MX1: variants seen among roughly 807,000 people sequenced by gnomAD.
MX1 encodes interferon-induced GTP-binding protein Mx1.
A neutral mutation model predicts 66.4 loss-of-function variants in MX1; 66 were observed. The ratio of observed to expected loss-of-function variants is 0.99; its 90% CI spans 0.82 to 1.22. The LOEUF is 1.22. Ranked by LOEUF, MX1 falls within the 50% of genes most tolerant of loss-of-function variation. The pLI is 0.00. For missense variants in MX1, 787 were observed against 834.3 expected (o/e 0.94, Z 0.70); for synonymous variants, 311 against 318.1 (o/e 0.98, Z 0.24).
intron 16 of MX1, among the ~76,000 whole-genome samples, chr21:41,456,163 G>A (rs920343051): frequency 1.3e-5 from 2 of 152,212 alleles, no homozygotes; most frequent in African/African-American, 4.8e-5. Flanking sequence ...AGAATTGCTC[G>A]AACCTGGGAG....
intron 3 of MX1, chr21:41,428,250 G>A (rs2090119193): frequency 6.6e-6 from 1 of 152,244 alleles, no homozygotes; most frequent in Non-Finnish European, 1.5e-5. Flanking sequence ...CTGCACCTGT[G>A]CGCTAACTTT....
chr21:41,429,596 T>A (rs190461333), intron 3 of MX1: 1 of 152,054 alleles, frequency 6.6e-6, no homozygotes, highest in African/African-American at 2.4e-5. Context: ...GGGAATAAAT[T>A]CCCAGATTGT....
chr21:41,440,377 A>C (rs1193275247), intron 8 of MX1, among the ~76,000 whole-genome samples: 2 of 152,148 alleles, frequency 1.3e-5, no homozygotes, highest in Non-Finnish European at 2.9e-5. Flanking sequence ...GGTGGCGTGC[A>C]CCTGTCAGCT....
chr21:41,439,711 G>C lies in MX1; in HGVS notation c.454G>C (p.Gly152Arg). ...TTTTCTAGCCCAGAATGCCATCGCC[G>C]GGGAAGGAATGGGAATCAGTCATGA... ...EINKAQNAIA[G>R]EGMGISHELI... Residue 152 changes from glycine (G) to arginine (R), a missense_variant, in exon 8 of 17, where the codon GGG (glycine) becomes CGG (arginine). By Grantham distance (125) the Gly-to-Arg change is moderately radical. Transcript: ENST00000398598. 1 of 1,613,618 alleles carries C rather than the reference G, an allele frequency of 6.2e-7. No homozygotes were observed. The highest frequency in any genetic ancestry group is 8.5e-7 in the Non-Finnish European group (1 of 1,179,660).
At chr21:41,426,828 G>C (rs1002681936) in intron 1 of MX1, 1 of 132,074 alleles carries the variant, frequency 7.6e-6, no homozygotes, top group Non-Finnish European at 1.6e-5. Context: ...TGCGCGGGAA[G>C]ACCCCTGCCC....
At chr21:41,433,941 C>T (rs2090292672) in intron 5 of MX1, among the ~76,000 whole-genome samples, 1 of 152,146 alleles carries the variant, frequency 6.6e-6, no homozygotes, top group South Asian at 2.1e-4. Flanking sequence ...CAGTCAGGGC[C>T]CATTTTGCTC....
chr21:41,443,051 G>T (rs1429080168), intron 10 of MX1, among the ~76,000 whole-genome samples: 1 of 152,194 alleles, frequency 6.6e-6, no homozygotes, highest in Non-Finnish European at 1.5e-5. Flanking sequence ...GCATAATAGT[G>T]TGAATGTACT....
At chr21:41,431,143 C>T (rs1418286643) in intron 4 of MX1, among the ~76,000 whole-genome samples, 3 of 152,168 alleles carry the variant, frequency 2.0e-5, no homozygotes, top group African/African-American at 7.2e-5. Flanking sequence ...CTGCCTCAGC[C>T]TCCCAAGTAG....
chr21:41,436,578 G>A (rs1341357845), intron 6 of MX1, among the ~76,000 whole-genome samples: 1 of 152,212 alleles, frequency 6.6e-6, no homozygotes, highest in African/African-American at 2.4e-5. Flanking sequence ...GGTGTGGTAG[G>A]AAGAATATGG....
intron 7 of MX1, among the ~76,000 whole-genome samples, chr21:41,437,524 C>G (rs1007455655): frequency 4.6e-5 from 7 of 151,966 alleles, no homozygotes; most frequent in African/African-American, 1.7e-4. Context: ...ACCTGTGGTC[C>G]CAGCTATTCA....
chr21:41,457,207 A>T (rs937376866), intron 16 of MX1, among the ~76,000 whole-genome samples: 4 of 152,206 alleles, frequency 2.6e-5, no homozygotes, highest in South Asian at 2.1e-4. Context: ...TCATCCAGGA[A>T]GAGCTTCTTG....
Position 41,445,497 on chromosome 21 carries a change from T to C in MX1, c.1058T>C (p.Ile353Thr). 2 of 1,614,116 alleles carry C rather than the reference T, an allele frequency of 1.2e-6. No individual in the cohort carries two copies. Among genetic ancestry groups the C allele is most frequent in the South Asian group, 2.2e-5 (2 of 91,084 alleles). Residue 353 changes from isoleucine to threonine, a missense_variant, in exon 12 of 17, where the codon ATA becomes ACA. Transcript: ENST00000398598. ...CAAATCAAGGAGACTCACCAGAGAA[T>C]AACAGAGGAGCTACAAAAGTATGGT... ...ENQIKETHQR[I>T]TEELQKYGVD...
intron 14 of MX1, 152 bp downstream of exon 14, chr21:41,449,447 A>ACAATT: frequency 1.4e-6 from 1 of 710,074 alleles, no homozygotes; most frequent in East Asian, 2.8e-5. Flanking sequence ...TTGGTATTCA[A>ACAATT]CAATTCAATT....
intron 3 of MX1, chr21:41,428,386 A>AT (rs11407987): frequency 0.65 from 98,784 of 152,112 alleles, 34,308 homozygotes; most frequent in East Asian, 0.99. Context: ...AAAGGGAGTG[A>AT]TAGGGTAAGG....
At chr21:41,443,715 C>A in intron 10 of MX1, 73 bp from the exon 11 acceptor site, 1 of 1,473,820 alleles carries the variant, frequency 6.8e-7, no homozygotes, top group Non-Finnish European at 9.5e-7. Context: ...CTTGACTTTC[C>A]CCAACAGCAA....
rs535031563 is a variant in MX1 at position 41,441,270 on chromosome 21, C to G, written c.730+245C>G. On this transcript the variant is annotated intron_variant, in intron 9 of 16. Transcript: ENST00000398598. The surrounding 1 kb of genome is among the most constrained non-coding windows in gnomAD (Gnocchi z 4.0). The stretch of plus-strand genomic sequence containing the variant: ...CTGCTAAGGGAGCAGGTTTGGTGCC[C>G]ACCAAGGCCAAGTGAAATGAGCTGC... The G allele has an allele frequency of 4.0e-4, 210 of 519,034 alleles. 2 individuals are homozygous for G. The East Asian group carries it at 6.7e-3, about 17-fold the overall frequency. The allele number at this position is 519,034 out of a possible 1,614,324, so 32.2% of individuals were successfully genotyped here. A position where few individuals can be genotyped will look rare whatever the true frequency, so the allele number is the denominator to read the frequency against.
rs11317486 is a variant in MX1, at chr21:41,444,318, CTTTTTTTTT to C, written c.1008+470_1008+478del. Among the ~76,000 whole-genome samples the C allele has an allele frequency of 5.2e-4, 37 of 71,538 alleles. No homozygotes were observed. In the East Asian group the frequency reaches 0.015, roughly 30 times the overall value. The allele number at this position is 71,538 out of a possible 152,430, so 46.9% of individuals were successfully genotyped here. ...AATTTTCTTTTCTTTTCTTTTCTTT[CTTTTTTTTT>C]TTTTTTTTTTTTTTTTTGAGACAGA... is the stretch of plus-strand genomic sequence containing the variant. On this transcript the variant is annotated intron_variant, in intron 11 of 16. Transcript: ENST00000398598.
chr21:41,452,934 C>CT, intron 16 of MX1, 65 bp downstream of exon 16: 1 of 1,578,482 alleles, frequency 6.3e-7, no homozygotes, highest in South Asian at 1.2e-5. Flanking sequence ...ACGCCTCTCT[C>CT]TTTAGTCTTG....
chr21:41,449,503 T>TAG (rs752093880), intron 14 of MX1: 120 of 473,074 alleles, frequency 2.5e-4, no homozygotes, highest in Non-Finnish European at 4.0e-4. Flanking sequence ...CCCCATAGCT[T>TAG]AAGGGCTCAG....
Sources: allele counts gnomAD v4.1 joint callset (sites outside exome capture counted in the v4.1 genomes callset), GRCh38; gene constraint gnomAD v4.1.1; non-coding constraint Gnocchi (gnomAD v3.1); transcripts MANE v1.5; gene names NCBI Gene and HGNC (gene_info 2026-07-23, HGNC 2026-07-21).